Variants in GRM7 observed in about 807,000 individuals in gnomAD.
GRM7 encodes the protein metabotropic glutamate receptor 7.
In GRM7, 35 loss-of-function variants were observed where a neutral mutation model predicts 84.5. The observed-to-expected ratio is 0.41, with a 90% CI of 0.32 to 0.55. GRM7 has a LOEUF of 0.55. Ranked by LOEUF, GRM7 falls within the 20% of genes least tolerant of loss-of-function variation. GRM7 has a pLI of 0.19. For missense variants in GRM7, 1,003 were observed against 1,194.6 expected (o/e 0.84, Z 2.36); for synonymous variants, 487 against 455.1 (o/e 1.07, Z -0.89).
chr3:7,516,340 G>T (rs1456652428), intron 7 of GRM7, among the ~76,000 whole-genome samples: 1 of 149,818 alleles, frequency 6.7e-6, no homozygotes, highest in African/African-American at 2.5e-5. Flanking sequence ...AGCCAGGCGT[G>T]GTGGTGTGCG....
intron 5 of GRM7, among the ~76,000 whole-genome samples, chr3:7,435,105 T>G (rs1696988035): frequency 6.6e-6 from 1 of 152,120 alleles, no homozygotes; most frequent in Admixed American, 6.5e-5. Context: ...TGTTTCTTAT[T>G]ATTTATTTAG....
intron 1 of GRM7, among the ~76,000 whole-genome samples, chr3:7,129,777 T>C (rs1693530243): frequency 6.6e-6 from 1 of 152,198 alleles, no homozygotes; most frequent in Non-Finnish European, 1.5e-5. Context: ...ATACCAGCTC[T>C]GAATTCTTTA....
chr3:6,948,644 T>A (rs990331267), intron 1 of GRM7, among the ~76,000 whole-genome samples: 4 of 152,184 alleles, frequency 2.6e-5, no homozygotes, highest in African/African-American at 9.7e-5. Context: ...TGTCTAATAT[T>A]GACAGTGCAG....
At chr3:7,454,174 T>C (rs1429170202) in intron 6 of GRM7, among the ~76,000 whole-genome samples, 5 of 151,828 alleles carry the variant, frequency 3.3e-5, no homozygotes, top group Non-Finnish European at 5.9e-5. Context: ...ATAATATTTG[T>C]AATTTGCCAC....
rs1698671260 is a variant in GRM7, at chr3:7,267,128, CA to C, written c.737-31555del. Reference sequence around the variant, plus strand: ...GTTAACTATTTTTTTGAGTCAAAAACACAGAAGAAGGTGGAAATTGCTTCTC... The same window carrying C: ...GTTAACTATTTTTTTGAGTCAAAAACCAGAAGAAGGTGGAAATTGCTTCTC... On this transcript the variant is annotated intron_variant, in intron 2 of 9. Coordinates refer to ENST00000357716, the MANE Select transcript of GRM7 (RefSeq NM_000844.4). Among the ~76,000 whole-genome samples, 3 of 152,124 alleles carry C rather than the reference CA, an allele frequency of 2.0e-5. No individual in the cohort carries two copies. The South Asian group carries it at 6.2e-4, about 31-fold the overall frequency.
chr3:7,495,522 T>G (rs1404339369), intron 7 of GRM7, among the ~76,000 whole-genome samples: 4 of 152,070 alleles, frequency 2.6e-5, no homozygotes, highest in African/African-American at 4.8e-5. Context: ...TGGACCAAAC[T>G]CTTGCTACAG....
At chr3:7,412,639 A>G (rs974538452) in intron 4 of GRM7, among the ~76,000 whole-genome samples, 2 of 152,100 alleles carry the variant, frequency 1.3e-5, no homozygotes, top group African/African-American at 4.8e-5. Context: ...CATTTTCTCT[A>G]TGTTGTTCTA....
intron 2 of GRM7, among the ~76,000 whole-genome samples, chr3:7,255,694 C>T (rs915494736): frequency 3.3e-5 from 5 of 152,122 alleles, no homozygotes; most frequent in Non-Finnish European, 2.9e-5. Context: ...AAATTTCTAG[C>T]GGTAATAGCT....
At chr3:7,011,595 C>G (rs1695370270) in intron 1 of GRM7, among the ~76,000 whole-genome samples, 1 of 152,134 alleles carries the variant, frequency 6.6e-6, no homozygotes, top group Non-Finnish European at 1.5e-5. Context: ...ATTTACATAG[C>G]TATCACTCAA....
At chr3:7,081,088 T>C (rs944396860) in intron 1 of GRM7, among the ~76,000 whole-genome samples, 1 of 152,068 alleles carries the variant, frequency 6.6e-6, no homozygotes, top group African/African-American at 2.4e-5. Flanking sequence ...GTTGTCTCCA[T>C]ACCATTTATA....
At chr3:7,176,524 G>T (rs1695157082) in intron 2 of GRM7, among the ~76,000 whole-genome samples, 1 of 152,116 alleles carries the variant, frequency 6.6e-6, no homozygotes, top group African/African-American at 2.4e-5. Flanking sequence ...ATACGCAATT[G>T]ACCTGCTACA....
chr3:7,067,909 A>G (rs1417031191), intron 1 of GRM7, among the ~76,000 whole-genome samples: 1 of 151,972 alleles, frequency 6.6e-6, no homozygotes, highest in Non-Finnish European at 1.5e-5. Flanking sequence ...ACATATAAAT[A>G]TATTATTCAT....
intron 2 of GRM7, among the ~76,000 whole-genome samples, chr3:7,229,841 T>TC (rs1228207548): frequency 2.2e-4 from 27 of 123,950 alleles, no homozygotes; most frequent in African/African-American, 8.1e-4. Flanking sequence ...TCCATCTTCT[T>TC]TTTTTTTTTT....
intron 4 of GRM7, among the ~76,000 whole-genome samples, chr3:7,349,609 A>G (rs966959235): frequency 6.6e-6 from 1 of 152,138 alleles, no homozygotes; most frequent in Non-Finnish European, 1.5e-5. Context: ...CATTACCATG[A>G]CTGGGCGCAG....
chr3:7,149,975 ACATGCTGT>A (rs538578102), intron 2 of GRM7, among the ~76,000 whole-genome samples: 59 of 152,262 alleles, frequency 3.9e-4, no homozygotes, highest in Admixed American at 9.2e-4. Context: ...ATTCTTATTA[ACATGCTGT>A]CATGATGTAA....
chr3:7,599,377 A>C (rs565959896), intron 8 of GRM7, among the ~76,000 whole-genome samples: 1 of 152,312 alleles, frequency 6.6e-6, no homozygotes, highest in South Asian at 2.1e-4. Context: ...GTAGGTCCCC[A>C]AAAAGGTTCA....
chr3:6,987,775 G>A lies in GRM7; in HGVS notation c.519+125868G>A, dbSNP rs530320388. 2.0e-5 allele frequency among the ~76,000 whole-genome samples: 3 copies of A among 152,248 alleles called. No homozygotes were observed. In the South Asian group the frequency reaches 6.2e-4, roughly 32 times the overall value. ...GCTGCTGTATGAAGAGTGGAGTATT[G>A]AGGACCAAGATTCCTGGAAACAGAG... On this transcript the variant is annotated intron_variant, in intron 1 of 9. Transcript: ENST00000357716.
intron 1 of GRM7, among the ~76,000 whole-genome samples, chr3:7,029,340 AC>A (rs1696106272): frequency 6.6e-6 from 1 of 151,916 alleles, no homozygotes; most frequent in African/African-American, 2.4e-5. Flanking sequence ...AACAAAAAAA[AC>A]ATGAATAAGC....
At chr3:7,456,035 C>T (rs1179818127) in intron 6 of GRM7, among the ~76,000 whole-genome samples, 1 of 151,946 alleles carries the variant, frequency 6.6e-6, no homozygotes, top group Non-Finnish European at 1.5e-5. Context: ...TATGTTCTTT[C>T]TGTATTTTTT....
Sources: allele counts gnomAD v4.1 joint callset (sites outside exome capture counted in the v4.1 genomes callset), GRCh38; gene constraint gnomAD v4.1.1; transcripts MANE v1.5; gene names NCBI Gene and HGNC (gene_info 2026-07-23, HGNC 2026-07-21).